Variants in CMC2 observed in about 807,000 individuals in gnomAD.
CMC2 encodes C-X9-C motif containing 2, also known as COX assembly mitochondrial protein 2 homolog.
Under a neutral mutation model 7.5 loss-of-function variants are expected in CMC2, and 5 were observed. The observed-to-expected ratio is 0.66, with a 90% CI of 0.35 to 1.40. The LOEUF (loss-of-function observed/expected upper bound fraction) is 1.40. Among genes scored for constraint, CMC2 ranks in the 40% most tolerant of loss-of-function variants. The pLI is 0.04. For missense variants in CMC2, 115 were observed against 92.3 expected, an observed-to-expected ratio of 1.25 and a Z score of -1.01; for synonymous variants, 37 against 31.4, an observed-to-expected ratio of 1.18 and a Z score of -0.60.
chr16:80,999,956 A>C (rs901789408), intron 1 of CMC2, among the ~76,000 whole-genome samples: 2 of 152,236 alleles, frequency 1.3e-5, no homozygotes, highest in Non-Finnish European at 2.9e-5. Flanking sequence ...CCTAGAAGAA[A>C]ACCCAGGAAA....
rs1386932999 is a variant in CMC2, at chr16:80,970,971, T to TA, written c.*5121dup. On this transcript the variant is annotated 3_prime_UTR_variant, in exon 4 of 4. Coordinates refer to ENST00000219400, the MANE Select transcript of CMC2 (RefSeq NM_020188.5). ...GGACATGGTGAAACCCTATCTCTAC[T>TA]AAAAAATACAAAAATTAGCAGGGCA... 6.6e-6 allele frequency: 1 copy of TA among 151,950 alleles called. No homozygotes were observed. Among genetic ancestry groups the TA allele is most frequent in the Non-Finnish European group, 1.5e-5 (1 of 67,964 alleles). 9.4% of individuals were successfully genotyped at this position (151,950 alleles called of 1,614,324 possible). A position where few individuals can be genotyped will look rare whatever the true frequency, so the allele number is the denominator to read the frequency against.
At position 80,997,295 on chromosome 16, in the gene CMC2, C is replaced by T. The variant is rs768402876; in HGVS notation, c.81+19G>A. On this transcript the variant is annotated intron_variant, in intron 2 of 3. Coordinates refer to ENST00000219400, the MANE Select transcript of CMC2 (RefSeq NM_020188.5). ...CTAAGTTTCATTTTGGCTGTACAGTCGTTTTTCTGAACTCTTACATTTTTG... is the reference window on the plus strand; with the variant it reads ...CTAAGTTTCATTTTGGCTGTACAGTTGTTTTTCTGAACTCTTACATTTTTG... 5 of 1,299,950 alleles carry T rather than the reference C, an allele frequency of 3.8e-6. No homozygotes were observed. The South Asian group carries it at 4.7e-5, about 12-fold the overall frequency. The allele number at this position is 1,299,950 out of a possible 1,614,324, so 80.5% of individuals were successfully genotyped here.
At chr16:81,003,652 G>A (rs941090003) in intron 1 of CMC2, among the ~76,000 whole-genome samples, 1 of 152,104 alleles carries the variant, frequency 6.6e-6, no homozygotes, top group African/African-American at 2.4e-5. Context: ...ACATTCAGAT[G>A]GAAAAACTAT....
chr16:80,978,308 A>G, intron 3 of CMC2: 1 of 1,246,260 alleles, frequency 8.0e-7, no homozygotes, highest in South Asian at 1.4e-5. Context: ...GAAACTCTTC[A>G]GAAGATAATA....
chr16:80,971,759 A>T lies in CMC2; in HGVS notation c.*4334T>A, dbSNP rs183250517. ...TTATTTTTTTAAACCTGTATTTTTTAAAAGTATGACTTAGATAGCAGCTAT... is the reference window on the plus strand; with the variant it reads ...TTATTTTTTTAAACCTGTATTTTTTTAAAGTATGACTTAGATAGCAGCTAT... On this transcript the variant is annotated 3_prime_UTR_variant, in exon 4 of 4. Coordinates refer to ENST00000219400, the MANE Select transcript of CMC2 (RefSeq NM_020188.5). 2.0e-5 allele frequency: 3 copies of T among 152,110 alleles called. No homozygotes were observed. The highest frequency in any genetic ancestry group is 3.9e-4 in the East Asian group (2 of 5,188). 9.4% of individuals were successfully genotyped at this position (152,110 alleles called of 1,614,324 possible).
chr16:80,990,968 C>T (rs1967947596), intron 2 of CMC2, among the ~76,000 whole-genome samples: 1 of 151,568 alleles, frequency 6.6e-6, no homozygotes, highest in Non-Finnish European at 1.5e-5. Flanking sequence ...CTCAAGCAAT[C>T]CTCCCGCCTC....
At chr16:81,005,297 A>G (rs1969189046) in intron 1 of CMC2, among the ~76,000 whole-genome samples, 1 of 152,118 alleles carries the variant, frequency 6.6e-6, no homozygotes, top group Non-Finnish European at 1.5e-5. Flanking sequence ...CTGTAACCCT[A>G]GCTACTCAGG....
chr16:81,004,560 T>G (rs1057019545), intron 1 of CMC2, among the ~76,000 whole-genome samples: 1 of 152,228 alleles, frequency 6.6e-6, no homozygotes, highest in Non-Finnish European at 1.5e-5. Context: ...CCACTGTGTA[T>G]GCACACAATG....
rs1912150906 is a variant in CMC2 at position 80,974,666 on chromosome 16, C to A, written c.*1427G>T. On this transcript the variant is annotated 3_prime_UTR_variant, in exon 4 of 4. Coordinates refer to ENST00000219400, the MANE Select transcript of CMC2 (RefSeq NM_020188.5). ...GAAAGTCCTCTGTCTTCTATGACAT[C>A]TACCTAATCATGGCACTTTGATGAT... The A allele has an allele frequency of 3.3e-5, 5 of 152,238 alleles. No individual in the cohort carries two copies. Among genetic ancestry groups the A allele is most frequent in the Non-Finnish European group, 7.3e-5 (5 of 68,050 alleles). The allele number at this position is 152,238 out of a possible 1,614,324, so 9.4% of individuals were successfully genotyped here. A position where few individuals can be genotyped will look rare whatever the true frequency, so the allele number is the denominator to read the frequency against.
chr16:80,978,233 C>T, intron 3 of CMC2: 1 of 1,041,388 alleles, frequency 9.6e-7, no homozygotes, highest in Non-Finnish European at 1.2e-6. Flanking sequence ...AAAAAGCTTT[C>T]ATATCTACCT....
At chr16:80,994,287 T>C (rs985462290) in intron 2 of CMC2, among the ~76,000 whole-genome samples, 12 of 150,932 alleles carry the variant, frequency 8.0e-5, no homozygotes, top group Non-Finnish European at 1.6e-4. Context: ...GCTAATACGA[T>C]AGAACTAAAA....
intron 1 of CMC2, among the ~76,000 whole-genome samples, chr16:80,999,179 C>A (rs1359317658): frequency 6.6e-6 from 1 of 152,152 alleles, no homozygotes. Flanking sequence ...ATTCTATACC[C>A]AGAAAACCCT....
intron 3 of CMC2, chr16:80,980,810 A>C (rs1282964060): frequency 2.9e-6 from 2 of 699,838 alleles, no homozygotes; most frequent in African/African-American, 3.5e-5. Context: ...TGGGAGGATC[A>C]CTTGAGTTTG....
chr16:80,990,601 T>C (rs1019282923), intron 2 of CMC2, among the ~76,000 whole-genome samples: 3 of 152,232 alleles, frequency 2.0e-5, no homozygotes, highest in African/African-American at 7.2e-5. Flanking sequence ...TACAAATATG[T>C]TTTGCTATCT....
intron 3 of CMC2, chr16:80,980,768 A>T (rs898959825): frequency 1.5e-6 from 1 of 689,590 alleles, no homozygotes; most frequent in Non-Finnish European, 2.6e-6. Context: ...GGTGGTACGC[A>T]CCTGTCGTCC....
In CMC2 at chr16:80,972,081, C is replaced by A. The variant is rs898608140; in HGVS notation, c.*4012G>T. The A allele has an allele frequency of 6.6e-6, 1 of 152,220 alleles. No homozygotes were observed. Among genetic ancestry groups the A allele is most frequent in the Non-Finnish European group, 1.5e-5 (1 of 68,062 alleles). The allele number at this position is 152,220 out of a possible 1,614,324, so 9.4% of individuals were successfully genotyped here. A position where few individuals can be genotyped will look rare whatever the true frequency, so the allele number is the denominator to read the frequency against. Reference sequence around the variant, plus strand: ...AGCTTAGAGGACAGAAATGGCCCCACAGGCCTCTAGCCCAGGCCACCTGCT... The same window carrying A: ...AGCTTAGAGGACAGAAATGGCCCCAAAGGCCTCTAGCCCAGGCCACCTGCT... On this transcript the variant is annotated 3_prime_UTR_variant, in exon 4 of 4. Transcript: ENST00000219400.
chr16:80,975,934 C>G lies in CMC2; in HGVS notation c.*159G>C, dbSNP rs1218160933. ...TACTAAACGCCCTGCCCAACAAATACTCAGAATCCAGGGTTTTCATATTTC... is the reference window on the plus strand; with the variant it reads ...TACTAAACGCCCTGCCCAACAAATAGTCAGAATCCAGGGTTTTCATATTTC... On this transcript the variant is annotated 3_prime_UTR_variant, in exon 4 of 4. Transcript: ENST00000219400. 3.3e-6 allele frequency: 2 copies of G among 599,390 alleles called. No individual in the cohort carries two copies. Among genetic ancestry groups the G allele is most frequent in the African/African-American group, 3.8e-5 (2 of 53,060 alleles). The allele number at this position is 599,390 out of a possible 1,614,324, so 37.1% of individuals were successfully genotyped here. A position where few individuals can be genotyped will look rare whatever the true frequency, so the allele number is the denominator to read the frequency against.
chr16:81,000,686 G>A (rs992703242), intron 1 of CMC2, among the ~76,000 whole-genome samples: 6 of 152,088 alleles, frequency 3.9e-5, no homozygotes, highest in African/African-American at 1.4e-4. Context: ...TTACTAAAAA[G>A]TCAAAAAAAC....
At chr16:80,978,501 C>T (rs1476439885) in intron 3 of CMC2, 2 of 589,268 alleles carry the variant, frequency 3.4e-6, no homozygotes, top group East Asian at 7.3e-5. Context: ...GGCCAATTAA[C>T]CCCAAACCAA....
Sources: gnomAD v4.1 joint callset for allele counts (sites outside exome capture counted in the v4.1 genomes callset) on GRCh38, gnomAD v4.1.1 for gene constraint, MANE v1.5 for transcripts, NCBI Gene and HGNC (gene_info 2026-07-23, HGNC 2026-07-21) for gene names.